AFG2B: variants seen among roughly 807,000 people sequenced by gnomAD.
AFG2B encodes the protein ATPase family gene 2 protein homolog B.
chr15:45,419,524 A>G, the AFG2B span, among the ~76,000 whole-genome samples: 1 of 151,932 alleles, frequency 6.6e-6, no homozygotes, highest in Admixed American at 6.6e-5. Flanking sequence ...CTTGTAAACC[A>G]CTCTAAGATA....
chr15:45,402,732 A>T, the AFG2B span: 1 of 1,565,682 alleles, frequency 6.4e-7, no homozygotes, highest in Non-Finnish European at 8.6e-7. Flanking sequence ...GCCTCCTCCT[A>T]GTGCCCTGTC....
At chr15:45,409,929 A>G in the AFG2B span, among the ~76,000 whole-genome samples, 5 of 152,206 alleles carry the variant, frequency 3.3e-5, no homozygotes, top group African/African-American at 1.2e-4. Context: ...TGTTTTTAAT[A>G]TCTAAAGACT....
At chr15:45,406,540 CT>C in the AFG2B span, among the ~76,000 whole-genome samples, 2 of 152,040 alleles carry the variant, frequency 1.3e-5, no homozygotes, top group Non-Finnish European at 2.9e-5. Flanking sequence ...TGACTATTTC[CT>C]AACAATATTT....
the AFG2B span, chr15:45,415,780 G>GT: frequency 6.2e-7 from 1 of 1,612,884 alleles, no homozygotes; most frequent in African/African-American, 1.3e-5. Flanking sequence ...AGTCAACAGG[G>GT]TAAATACAAG....
chr15:45,403,126 G>A, the AFG2B span: 2 of 1,489,270 alleles, frequency 1.3e-6, no homozygotes, highest in Non-Finnish European at 1.8e-6. Flanking sequence ...GGGCTTAGCG[G>A]TGCCTCGCGG....
chr15:45,415,768 C>G, the AFG2B span: 6 of 1,613,314 alleles, frequency 3.7e-6, no homozygotes, highest in African/African-American at 1.3e-5. Context: ...GGAAGTAAAT[C>G]AAGTCAACAG....
At chr15:45,415,373 C>T in the AFG2B span, among the ~76,000 whole-genome samples, 1 of 151,874 alleles carries the variant, frequency 6.6e-6, no homozygotes, top group African/African-American at 2.4e-5. Context: ...GTAGCGCACC[C>T]TATAATCTCA....
chr15:45,415,044 A>T, the AFG2B span, among the ~76,000 whole-genome samples: 1 of 152,080 alleles, frequency 6.6e-6, no homozygotes, highest in African/African-American at 2.4e-5. Flanking sequence ...CTATAGCTTT[A>T]TCCTGCTTTT....
the AFG2B span, among the ~76,000 whole-genome samples, chr15:45,408,863 G>C: frequency 6.6e-6 from 1 of 152,052 alleles, no homozygotes; most frequent in Non-Finnish European, 1.5e-5. Context: ...CTCCAGCCTG[G>C]GCAGCAGAGC....
chr15:45,403,230 C>T, the AFG2B span: 5 of 1,525,256 alleles, frequency 3.3e-6, no homozygotes, highest in Non-Finnish European at 3.5e-6. Context: ...CAGTCAGCGC[C>T]CCGGCGCTGC....
the AFG2B span, chr15:45,407,050 C>T: frequency 6.2e-6 from 8 of 1,289,106 alleles, no homozygotes; most frequent in Non-Finnish European, 8.1e-6. Context: ...ACCATAAGCA[C>T]CTCTCACTTA....
chr15:45,419,784 AGGCAGGAGGAT>A, the AFG2B span, among the ~76,000 whole-genome samples: 1 of 152,050 alleles, frequency 6.6e-6, no homozygotes, highest in African/African-American at 2.4e-5. Flanking sequence ...GTTGGGGCCA[AGGCAGGAGGAT>A]CATCTGAGCC....
the AFG2B span, chr15:45,405,509 A>C: frequency 6.2e-7 from 1 of 1,610,640 alleles, no homozygotes; most frequent in Non-Finnish European, 8.5e-7. Context: ...TGAGAAGGTA[A>C]GAAGTGTTAA....
the AFG2B span, chr15:45,403,603 T>C: frequency 6.5e-7 from 1 of 1,543,004 alleles, no homozygotes; most frequent in Non-Finnish European, 8.7e-7. Flanking sequence ...GGCGTTTGCC[T>C]CTTAGGTTTG....
At chr15:45,421,319 A>G in the AFG2B span, 2 of 748,112 alleles carry the variant, frequency 2.7e-6, no homozygotes, top group Non-Finnish European at 4.0e-6. Context: ...GTAAGTGAAT[A>G]AATAAAACAA....
the AFG2B span, chr15:45,402,905 T>C: frequency 2.5e-6 from 4 of 1,598,278 alleles, no homozygotes; most frequent in Non-Finnish European, 2.5e-6. Flanking sequence ...GCTCCTGGCC[T>C]GGTGGCTGCC....
At chr15:45,403,329 C>G in the AFG2B span, 3 of 1,603,246 alleles carry the variant, frequency 1.9e-6, no homozygotes, top group Non-Finnish European at 1.7e-6. Context: ...CCAGCCTCCT[C>G]TTCCTGGACG....
chr15:45,416,967 G>T, the AFG2B span: 1 of 212,358 alleles, frequency 4.7e-6, no homozygotes, highest in Non-Finnish European at 9.6e-6. Context: ...GGAGGCTCAG[G>T]TGCACTCAAG....
At chr15:45,421,367 C>T in the AFG2B span, 2 of 465,674 alleles carry the variant, frequency 4.3e-6, no homozygotes, top group African/African-American at 4.1e-5. Flanking sequence ...TAAGCTAAGG[C>T]TCATTTATTT....
Sources: gnomAD v4.1 joint callset for allele counts (sites outside exome capture counted in the v4.1 genomes callset) on GRCh38, gnomAD v4.1.1 for gene constraint, MANE v1.5 for transcripts, NCBI Gene and HGNC (gene_info 2026-07-23, HGNC 2026-07-21) for gene names.